The following DIP2C variants were observed in gnomAD, a reference collection of about 807,000 sequenced individuals.
DIP2C encodes disco-interacting protein 2 homolog C.
DIP2C carries 33 observed loss-of-function variants against 192.4 expected under a neutral mutation model. The observed-to-expected ratio is 0.17, with a 90% CI of 0.13 to 0.23. The LOEUF (loss-of-function observed/expected upper bound fraction) is 0.23, where lower values mean the gene tolerates loss of function less well. Ranked by LOEUF, DIP2C falls within the 10% of genes least tolerant of loss-of-function variation. DIP2C has a pLI of 1.00. For synonymous variants in DIP2C, 979 were observed against 864.1 expected, an observed-to-expected ratio of 1.13 and a Z score of -2.33; for missense variants, 1,537 against 2,110.1, an observed-to-expected ratio of 0.73 and a Z score of 5.32.
At chr10:527,120 T>C (rs1005824381) in intron 1 of DIP2C, among the ~76,000 whole-genome samples, 9 of 152,188 alleles carry the variant, frequency 5.9e-5, no homozygotes, top group Non-Finnish European at 1.3e-4. Flanking sequence ...CTGGCCTGGA[T>C]TCTCCGACGC....
At chr10:615,326 G>T (rs1384392159) in intron 1 of DIP2C, among the ~76,000 whole-genome samples, 1 of 152,190 alleles carries the variant, frequency 6.6e-6, no homozygotes, top group Non-Finnish European at 1.5e-5. Flanking sequence ...AGCACTGCAT[G>T]GCTGCTTCTG....
rs116711069 is a variant in DIP2C, at chr10:602,451, C to T, written c.85+87043G>A. ...CACTGAAGCAATCTCCGATGGGATA[C>T]GTTAAAAGGTGTGGCCTTTGGGAGG... is the stretch of plus-strand genomic sequence containing the variant. On this transcript the variant is annotated intron_variant, in intron 1 of 36. Coordinates refer to ENST00000280886, the MANE Select transcript of DIP2C (RefSeq NM_014974.3). Among the ~76,000 whole-genome samples the T allele has an allele frequency of 6.0e-3, 921 of 152,322 alleles. 11 individuals are homozygous for T. Among genetic ancestry groups the T allele is most frequent in the African/African-American group, 0.021 (870 of 41,558 alleles).
In DIP2C at chr10:320,400, T is replaced by C. The variant is rs7912253; in HGVS notation, c.3924+6606A>G. ...GCAGGTGCCTGTAATACCAGCTACT[T>C]GGGAGGCTGAGGCAGGAGAATCACT... On this transcript the variant is annotated intron_variant, in intron 31 of 36. Coordinates refer to ENST00000280886, the MANE Select transcript of DIP2C (RefSeq NM_014974.3). Among the ~76,000 whole-genome samples, 1,125 of 150,046 alleles carry C rather than the reference T, an allele frequency of 7.5e-3. 13 individuals carry two copies. The highest frequency in any genetic ancestry group is 0.026 in the African/African-American group (1,068 of 40,606).
At chr10:296,263 TAA>T (rs918337714) in intron 32 of DIP2C, among the ~76,000 whole-genome samples, 2 of 152,212 alleles carry the variant, frequency 1.3e-5, no homozygotes, top group African/African-American at 2.4e-5. Context: ...GGTCTAACAT[TAA>T]GTCTTTAATC....
intron 1 of DIP2C, among the ~76,000 whole-genome samples, chr10:571,008 G>A (rs1305952321): frequency 1.3e-5 from 2 of 152,146 alleles, no homozygotes; most frequent in Non-Finnish European, 2.9e-5. Flanking sequence ...GCTTCCCAGC[G>A]CCCTGGGCTG....
At chr10:604,909 G>A (rs570594618) in intron 1 of DIP2C, among the ~76,000 whole-genome samples, 9 of 152,170 alleles carry the variant, frequency 5.9e-5, no homozygotes, top group Admixed American at 2.0e-4. Flanking sequence ...TGTCAGAAGT[G>A]GCTATGGTGC....
chr10:649,899 G>T (rs1222286573), intron 1 of DIP2C: 3 of 574,818 alleles, frequency 5.2e-6, no homozygotes, highest in South Asian at 2.1e-5. Context: ...TTGTGGGGGG[G>T]TGCCCGTCAC....
At chr10:424,299 T>C (rs1002698338) in intron 4 of DIP2C, among the ~76,000 whole-genome samples, 8 of 151,784 alleles carry the variant, frequency 5.3e-5, no homozygotes, top group African/African-American at 1.7e-4. Context: ...TTTTTAAAAG[T>C]TTACTTGTTA....
At chr10:596,628 G>C (rs1448197842) in intron 1 of DIP2C, among the ~76,000 whole-genome samples, 1 of 151,748 alleles carries the variant, frequency 6.6e-6, no homozygotes. Context: ...TAGGTGAATA[G>C]GACACAGTTC....
intron 24 of DIP2C, among the ~76,000 whole-genome samples, chr10:349,891 G>C (rs558479443): frequency 6.6e-6 from 1 of 152,018 alleles, no homozygotes; most frequent in Non-Finnish European, 1.5e-5. Flanking sequence ...CAAAAATCAA[G>C]GAAGTCAGAA....
intron 3 of DIP2C, among the ~76,000 whole-genome samples, chr10:442,398 T>C (rs570599411): frequency 1.3e-5 from 2 of 152,244 alleles, no homozygotes; most frequent in South Asian, 4.2e-4. Flanking sequence ...TTCTGGCCAC[T>C]CTTTCTAATT....
chr10:348,786 C>T (rs1318999404), intron 25 of DIP2C, 24 bp from the exon 26 acceptor site: 2 of 1,611,560 alleles, frequency 1.2e-6, no homozygotes, highest in South Asian at 1.1e-5. Context: ...GAAACATCAT[C>T]ATTGAAGCAG....
At chr10:316,416 C>T (rs1462149959) in intron 31 of DIP2C, among the ~76,000 whole-genome samples, 1 of 152,212 alleles carries the variant, frequency 6.6e-6, no homozygotes, top group Non-Finnish European at 1.5e-5. Context: ...GACCTTCCAC[C>T]CACTTTAGGT....
intron 29 of DIP2C, among the ~76,000 whole-genome samples, chr10:339,741 A>T (rs1958052975): frequency 6.6e-6 from 1 of 152,276 alleles, no homozygotes; most frequent in African/African-American, 2.4e-5. Context: ...GGCAAAAATC[A>T]TTAAATATTT....
chr10:505,816 G>A (rs566004048), intron 1 of DIP2C, among the ~76,000 whole-genome samples: 4 of 151,976 alleles, frequency 2.6e-5, no homozygotes, highest in Admixed American at 6.5e-5. Flanking sequence ...ACAGGAGATG[G>A]GGACCACCTG....
intron 32 of DIP2C, among the ~76,000 whole-genome samples, chr10:291,487 G>A (rs545091596): frequency 4.6e-5 from 7 of 152,180 alleles, no homozygotes; most frequent in East Asian, 1.9e-4. Context: ...AAGCTACCCC[G>A]TATCTAAGGG....
At chr10:324,779 C>G in intron 31 of DIP2C, 1 of 383,222 alleles carries the variant, frequency 2.6e-6, no homozygotes, top group South Asian at 2.1e-5. Context: ...CACCACGTGT[C>G]AGGCCCCGCC....
chr10:379,497 C>A (rs1962126880), intron 17 of DIP2C, among the ~76,000 whole-genome samples: 1 of 152,126 alleles, frequency 6.6e-6, no homozygotes, highest in Non-Finnish European at 1.5e-5. Context: ...GGCCCTGGAC[C>A]TTGACGCCTG....
In DIP2C at chr10:418,143, G is replaced by A. The variant is rs1453872426; in HGVS notation, c.739+922C>T. 5.1e-4 allele frequency among the ~76,000 whole-genome samples: 19 copies of A among 37,000 alleles called. 2 individuals carry two copies. Among genetic ancestry groups the A allele is most frequent in the South Asian group, 3.3e-3 (2 of 610 alleles). The allele number at this position is 37,000 out of a possible 152,430, so 24.3% of individuals were successfully genotyped here. ...CTCGGATAGGCCTCCCTGTCCACCT[G>A]CACCTGTCAGAGCTCGGACAGGCCT... is the stretch of plus-strand genomic sequence containing the variant. On this transcript the variant is annotated intron_variant, in intron 6 of 36. Transcript: ENST00000280886.
Sources: allele counts gnomAD v4.1 joint callset (sites outside exome capture counted in the v4.1 genomes callset), GRCh38; gene constraint gnomAD v4.1.1; transcripts MANE v1.5; gene names NCBI Gene and HGNC (gene_info 2026-07-23, HGNC 2026-07-21).